TET1: variants seen among roughly 807,000 people sequenced by gnomAD.
TET1 encodes the protein tet methylcytosine dioxygenase 1.
A neutral mutation model predicts 148.7 loss-of-function variants in TET1; 13 were observed. The observed-to-expected ratio is 0.09, with a 90% CI of 0.06 to 0.14. The LOEUF (loss-of-function observed/expected upper bound fraction) is 0.14. Among genes scored for constraint, TET1 ranks in the 10% least tolerant of loss-of-function variants. The probability of loss-of-function intolerance (pLI) is 1.00; values close to 1 mark genes in which losing one functional copy is unlikely to be tolerated. For missense variants in TET1, 2,182 were observed against 2,553.8 expected (o/e 0.85, Z 3.14); for synonymous variants, 907 against 937.2 (o/e 0.97, Z 0.59).
At chr10:68,591,091 G>A (rs2053914090) in intron 2 of TET1, among the ~76,000 whole-genome samples, 1 of 152,150 alleles carries the variant, frequency 6.6e-6, no homozygotes, top group African/African-American at 2.4e-5. Context: ...CCGACCTCAG[G>A]TGATCCACCT....
chr10:68,652,426 G>A, intron 5 of TET1, 75 bp from the exon 6 acceptor site: 1 of 1,004,414 alleles, frequency 1.0e-6, no homozygotes, highest in Non-Finnish European at 1.5e-6. Flanking sequence ...TATACATTAA[G>A]ATGTTCAAAG....
At chr10:68,636,732 C>T (rs2054656008) in intron 3 of TET1, among the ~76,000 whole-genome samples, 1 of 152,248 alleles carries the variant, frequency 6.6e-6, no homozygotes, top group East Asian at 1.9e-4. Flanking sequence ...GGCTCCCATC[C>T]AGCCTAGATA....
At chr10:68,620,084 C>G (rs2054348573) in intron 3 of TET1, among the ~76,000 whole-genome samples, 1 of 152,110 alleles carries the variant, frequency 6.6e-6, no homozygotes, top group African/African-American at 2.4e-5. Context: ...ACCCCAGATA[C>G]CTGGGAGGCT....
chr10:68,579,189 CA>C (rs1333533932), intron 2 of TET1, among the ~76,000 whole-genome samples: 13 of 152,296 alleles, frequency 8.5e-5, no homozygotes, highest in African/African-American at 3.1e-4. Flanking sequence ...GTAGCATTGC[CA>C]AATGACATCA....
At chr10:68,651,760 G>T in intron 4 of TET1, 86 bp from the exon 5 acceptor site, 1 of 922,564 alleles carries the variant, frequency 1.1e-6, no homozygotes, top group Non-Finnish European at 1.6e-6. Context: ...TGAATTGAGG[G>T]GGAACAAAAA....
At chr10:68,580,507 C>T (rs774785534) in intron 2 of TET1, among the ~76,000 whole-genome samples, 2 of 149,404 alleles carry the variant, frequency 1.3e-5, no homozygotes, top group Non-Finnish European at 3.0e-5. Context: ...AGGCCGGGCA[C>T]GGTGGCTCAT....
intron 3 of TET1, among the ~76,000 whole-genome samples, chr10:68,643,726 T>C (rs1199249033): frequency 6.6e-6 from 1 of 151,178 alleles, no homozygotes; most frequent in African/African-American, 2.4e-5. Flanking sequence ...AGGAGGAAAA[T>C]TGCTCGAACC....
rs3998851 is a variant in TET1, at chr10:68,593,915, ATTTTTTTTTTTT to A, written c.1915-7049_1915-7038del. 1.3e-4 allele frequency among the ~76,000 whole-genome samples: 6 copies of A among 44,724 alleles called. 1 individual carries two copies. Among genetic ancestry groups the A allele is most frequent in the East Asian group, 1.7e-3 (2 of 1,176 alleles). 29.3% of individuals were successfully genotyped at this position (44,724 alleles called of 152,430 possible). On this transcript the variant is annotated intron_variant, in intron 2 of 11. Transcript: ENST00000373644. ...AGGCGTGAGCCACTGCGCCTGAGCT[ATTTTTTTTTTTT>A]TTTTTTTTTTTTTTTTGAGACAGAG...
At chr10:68,582,099 T>A (rs1471418259) in intron 2 of TET1, among the ~76,000 whole-genome samples, 1 of 83,280 alleles carries the variant, frequency 1.2e-5, no homozygotes, top group Admixed American at 1.2e-4. Flanking sequence ...GATGACACTA[T>A]TTTTTTTTTT....
chr10:68,635,993 T>C (rs1390462935), intron 3 of TET1, among the ~76,000 whole-genome samples: 1 of 152,196 alleles, frequency 6.6e-6, no homozygotes, highest in East Asian at 1.9e-4. Context: ...TAAGGGGTCA[T>C]GGCAAGTTAA....
chr10:68,579,932 CTT>C (rs777355196), intron 2 of TET1, among the ~76,000 whole-genome samples: 5 of 144,566 alleles, frequency 3.5e-5, no homozygotes, highest in African/African-American at 5.0e-5. Flanking sequence ...CTTCCTTCTT[CTT>C]TTTTTTTTTT....
intron 8 of TET1, among the ~76,000 whole-genome samples, chr10:68,675,347 C>G (rs2055334552): frequency 2.0e-5 from 3 of 152,144 alleles, no homozygotes. Context: ...TAAACTGCCT[C>G]TATCAGAGCA....
At chr10:68,581,274 A>G (rs2053794180) in intron 2 of TET1, among the ~76,000 whole-genome samples, 1 of 152,206 alleles carries the variant, frequency 6.6e-6, no homozygotes, top group Admixed American at 6.6e-5. Flanking sequence ...GATGTTCAGA[A>G]TTACAGATAA....
intron 11 of TET1, 81 bp downstream of exon 11, chr10:68,686,788 A>G: frequency 7.6e-7 from 1 of 1,319,852 alleles, no homozygotes; most frequent in South Asian, 1.5e-5. Flanking sequence ...TTATTTGTTT[A>G]GAGTTAAAAC....
intron 6 of TET1, among the ~76,000 whole-genome samples, chr10:68,660,354 T>TA (rs1289832833): frequency 6.6e-6 from 1 of 151,712 alleles, no homozygotes; most frequent in African/African-American, 2.4e-5. Flanking sequence ...TTTTTTTTTT[T>TA]TTGAGATGGA....
At chr10:68,613,095 T>C (rs1235317323) in intron 3 of TET1, among the ~76,000 whole-genome samples, 1 of 152,250 alleles carries the variant, frequency 6.6e-6, no homozygotes, top group Non-Finnish European at 1.5e-5. Flanking sequence ...ACTACAAAAT[T>C]TGTGTAATTG....
chr10:68,643,285 A>G (rs1381785915), intron 3 of TET1, among the ~76,000 whole-genome samples: 1 of 149,310 alleles, frequency 6.7e-6, no homozygotes, highest in African/African-American at 2.5e-5. Context: ...AAAAAATGAA[A>G]GAAAGAAAGA....
chr10:68,605,512 A>C (rs1376156145), intron 3 of TET1, among the ~76,000 whole-genome samples: 1 of 152,102 alleles, frequency 6.6e-6, no homozygotes, highest in African/African-American at 2.4e-5. Context: ...TTTTTATTGA[A>C]TTTATTTACT....
chr10:68,623,984 C>A (rs1474076209), intron 3 of TET1, among the ~76,000 whole-genome samples: 1 of 152,156 alleles, frequency 6.6e-6, no homozygotes, highest in African/African-American at 2.4e-5. Flanking sequence ...CCAGACATTT[C>A]CATATTTTTC....
Sources: gnomAD v4.1 joint callset for allele counts (sites outside exome capture counted in the v4.1 genomes callset) on GRCh38, gnomAD v4.1.1 for gene constraint, MANE v1.5 for transcripts, NCBI Gene and HGNC (gene_info 2026-07-23, HGNC 2026-07-21) for gene names.